TSPEAR: variants seen among roughly 807,000 people sequenced by gnomAD.
TSPEAR encodes the protein thrombospondin-type laminin G domain and EAR repeat-containing protein.
Under a neutral mutation model 71.6 loss-of-function variants are expected in TSPEAR, and 69 were observed. That is an observed-to-expected ratio of 0.96 (90% CI 0.79 to 1.18). The LOEUF is 1.18. TSPEAR is among the 50% of genes most tolerant of loss of function. The probability of loss-of-function intolerance (pLI) is 0.00; values close to 1 mark genes in which losing one functional copy is unlikely to be tolerated. For synonymous variants in TSPEAR, 402 were observed against 387.2 expected (o/e 1.04, Z -0.45); for missense variants, 971 against 894.9 (o/e 1.09, Z -1.09).
chr21:44,587,167 A>G (rs1158357130), intron 1 of TSPEAR, among the ~76,000 whole-genome samples: 1 of 152,220 alleles, frequency 6.6e-6, no homozygotes, highest in Non-Finnish European at 1.5e-5. Flanking sequence ...AAGCTCCTAG[A>G]ACTGATAAAA....
At chr21:44,660,183 A>G (rs1480981195) in intron 1 of TSPEAR, among the ~76,000 whole-genome samples, 1 of 152,210 alleles carries the variant, frequency 6.6e-6, no homozygotes, top group Admixed American at 6.5e-5. Context: ...GAGAAGAAAG[A>G]GAGGGCAGGG....
intron 2 of TSPEAR, chr21:44,539,656 C>T (rs782622844): frequency 3.8e-6 from 6 of 1,595,562 alleles, no homozygotes; most frequent in Non-Finnish European, 5.1e-6. Context: ...AGCTAGACTG[C>T]TGGCAGCATG....
At chr21:44,603,594 A>C (rs1363565404) in intron 1 of TSPEAR, among the ~76,000 whole-genome samples, 3 of 152,196 alleles carry the variant, frequency 2.0e-5, no homozygotes, top group Non-Finnish European at 1.5e-5. Context: ...GCTGTGGGGC[A>C]GAAACATCAA....
At chr21:44,591,081 G>A (rs587663596) in intron 1 of TSPEAR, among the ~76,000 whole-genome samples, 46 of 151,546 alleles carry the variant, frequency 3.0e-4, no homozygotes, top group African/African-American at 1.0e-3. Context: ...TGTGCCCCCC[G>A]GGGGTCCACA....
chr21:44,554,267 G>C (rs587733980), intron 2 of TSPEAR, among the ~76,000 whole-genome samples: 2 of 152,328 alleles, frequency 1.3e-5, no homozygotes, highest in East Asian at 3.9e-4. Flanking sequence ...TGTAGACCAG[G>C]AAGAGAGCCC....
In TSPEAR at chr21:44,601,158, G is replaced by A. The variant is rs1555928625; in HGVS notation, c.83-33153C>T. Reference sequence around the variant, plus strand: ...CGTGCTGCCAGCAGTCTAGCTGTGTGAGCTGTGTGTCCAGTCCCTGCTGCC... The same window carrying A: ...CGTGCTGCCAGCAGTCTAGCTGTGTAAGCTGTGTGTCCAGTCCCTGCTGCC... On this transcript the variant is annotated intron_variant, in intron 1 of 11. Transcript: ENST00000323084. 6 of 1,603,386 alleles carry A rather than the reference G, an allele frequency of 3.7e-6. No homozygotes were observed. In the Admixed American group the frequency reaches 5.2e-5, roughly 14 times the overall value.
At chr21:44,562,294 A>G (rs1233531816) in intron 2 of TSPEAR, among the ~76,000 whole-genome samples, 4 of 152,202 alleles carry the variant, frequency 2.6e-5, no homozygotes, top group African/African-American at 9.6e-5. Flanking sequence ...GGAGCTCTTC[A>G]AGGAGAACTA....
At chr21:44,558,656 G>C (rs111327969) in intron 2 of TSPEAR, 3 of 1,613,272 alleles carry the variant, frequency 1.9e-6, no homozygotes, top group Non-Finnish European at 2.5e-6. Flanking sequence ...CTGGGCAGGC[G>C]TCCACCTGCC....
intron 1 of TSPEAR, among the ~76,000 whole-genome samples, chr21:44,585,688 G>A (rs915778096): frequency 2.2e-4 from 34 of 152,116 alleles, no homozygotes; most frequent in Non-Finnish European, 1.0e-4. Flanking sequence ...GGAGTGTCAC[G>A]ATTTCAGTCT....
chr21:44,647,072 T>C, intron 1 of TSPEAR: 1 of 1,613,730 alleles, frequency 6.2e-7, no homozygotes, highest in Middle Eastern at 1.7e-4. Flanking sequence ...ATCTGCTGTG[T>C]GCCTGTCTGC....
chr21:44,705,287 A>G (rs2094882), intron 1 of TSPEAR, among the ~76,000 whole-genome samples: 136,748 of 152,208 alleles, frequency 0.9, 61,748 homozygotes, highest in African/African-American at 0.93. Context: ...GGTGTATATC[A>G]TTCCAGGACC....
intron 1 of TSPEAR, chr21:44,702,593 G>T (rs890870657): frequency 1.2e-6 from 2 of 1,606,462 alleles, no homozygotes; most frequent in Non-Finnish European, 1.7e-6. Flanking sequence ...ACTTCCTCCT[G>T]CTGCAGACCC....
chr21:44,517,876 C>T (rs2052629444), intron 9 of TSPEAR: 1 of 471,070 alleles, frequency 2.1e-6, no homozygotes, highest in African/African-American at 2.0e-5. Context: ...GCTCAGCGCC[C>T]TTTCAGTCTG....
intron 1 of TSPEAR, among the ~76,000 whole-genome samples, chr21:44,603,260 C>T (rs1364288440): frequency 6.6e-6 from 1 of 152,168 alleles, no homozygotes; most frequent in African/African-American, 2.4e-5. Context: ...TGCCCCTACC[C>T]CGGCCCCTGT....
chr21:44,681,494 G>C (rs1986585317), intron 1 of TSPEAR: 1 of 267,124 alleles, frequency 3.7e-6, no homozygotes, highest in African/African-American at 2.2e-5. Flanking sequence ...CACTGAAGAG[G>C]GTTTAGCAGC....
At chr21:44,629,830 A>T (rs1555935386) in intron 1 of TSPEAR, among the ~76,000 whole-genome samples, 1 of 152,168 alleles carries the variant, frequency 6.6e-6, no homozygotes, top group Non-Finnish European at 1.5e-5. Flanking sequence ...CCTGGCTCAT[A>T]AGGGGAACTC....
rs199660261 is a variant in TSPEAR, at chr21:44,627,302, C to A, written c.83-59297G>T. 1 of 1,612,754 alleles carries A rather than the reference C, an allele frequency of 6.2e-7. No homozygotes were observed. Among genetic ancestry groups the A allele is most frequent in the East Asian group, 2.2e-5 (1 of 44,874 alleles). ...TGCTGCGCCCCGGCCCCCTGCCTGA[C>A]CCTGGTCTGCACCCCAGTGAGCCGT... On this transcript the variant is annotated intron_variant, in intron 1 of 11. Coordinates refer to ENST00000323084, the MANE Select transcript of TSPEAR (RefSeq NM_144991.3).
At chr21:44,542,000 C>A (rs887765018) in intron 2 of TSPEAR, among the ~76,000 whole-genome samples, 3 of 152,160 alleles carry the variant, frequency 2.0e-5, no homozygotes, top group Non-Finnish European at 4.4e-5. Context: ...AAAAAACAAA[C>A]AAGAGAAACA....
Position 44,621,346 on chromosome 21 carries a change from C to T in TSPEAR, c.83-53341G>A, listed in dbSNP as rs192054837. 3.1e-3 allele frequency among the ~76,000 whole-genome samples: 470 copies of T among 152,280 alleles called. 2 individuals carry two copies. Among genetic ancestry groups the T allele is most frequent in the Non-Finnish European group, 5.6e-3 (382 of 68,032 alleles). On this transcript the variant is annotated intron_variant, in intron 1 of 11. Coordinates refer to ENST00000323084, the MANE Select transcript of TSPEAR (RefSeq NM_144991.3). ...AATCTGTCCATTTTTGTTTCATATA[C>T]ATTGGTGATCTGATGATAAACATGT...
Sources: gnomAD v4.1 joint callset for allele counts (sites outside exome capture counted in the v4.1 genomes callset) on GRCh38, gnomAD v4.1.1 for gene constraint, MANE v1.5 for transcripts, NCBI Gene and HGNC (gene_info 2026-07-23, HGNC 2026-07-21) for gene names.